The following EPHB1 variants were observed in gnomAD, a reference collection of about 807,000 sequenced individuals.
EPHB1 encodes ephrin type-B receptor 1.
Under a neutral mutation model 94.4 loss-of-function variants are expected in EPHB1, and 30 were observed. The observed-to-expected ratio is 0.32, with a 90% CI of 0.24 to 0.43. The LOEUF is 0.43. Ranked by LOEUF, EPHB1 falls within the 20% of genes least tolerant of loss-of-function variation. The probability of loss-of-function intolerance (pLI) is 1.00; values close to 1 mark genes in which losing one functional copy is unlikely to be tolerated. For synonymous variants in EPHB1, 522 were observed against 489.1 expected, an observed-to-expected ratio of 1.07 and a Z score of -0.89; for missense variants, 1,055 against 1,308.3, an observed-to-expected ratio of 0.81 and a Z score of 2.99.
intron 4 of EPHB1, among the ~76,000 whole-genome samples, chr3:135,125,814 T>G (rs1940171961): frequency 6.6e-6 from 1 of 152,174 alleles, no homozygotes; most frequent in South Asian, 2.1e-4. Flanking sequence ...CCAGCCTGAC[T>G]TTTTTCCCTG....
At chr3:134,972,378 TTA>T (rs938953558) in intron 3 of EPHB1, among the ~76,000 whole-genome samples, 4 of 146,598 alleles carry the variant, frequency 2.7e-5, no homozygotes, top group Admixed American at 1.4e-4. Flanking sequence ...TATAAAATAT[TTA>T]TATATAAATA....
At chr3:135,217,727 T>A (rs72630180) in intron 12 of EPHB1, among the ~76,000 whole-genome samples, 6,757 of 152,248 alleles carry the variant, frequency 0.044, 285 homozygotes, top group East Asian at 0.21. Context: ...CAGATTTTTT[T>A]AATAATGCAC....
At chr3:134,810,099 C>T (rs1324527819) in intron 1 of EPHB1, among the ~76,000 whole-genome samples, 1 of 152,232 alleles carries the variant, frequency 6.6e-6, no homozygotes, top group Non-Finnish European at 1.5e-5. Context: ...GAAGTTTTAA[C>T]ATAGGTATGT....
At chr3:135,132,581 C>A in intron 4 of EPHB1, 133 bp from the exon 5 acceptor site, 1 of 698,624 alleles carries the variant, frequency 1.4e-6, no homozygotes, top group Non-Finnish European at 2.4e-6. Context: ...TGAAGCATAG[C>A]CATTTGGGGT....
chr3:135,103,805 G>T (rs1434102826), intron 3 of EPHB1, among the ~76,000 whole-genome samples: 1 of 152,074 alleles, frequency 6.6e-6, no homozygotes, highest in African/African-American at 2.4e-5. Context: ...TCTCCCTGAT[G>T]TCCAGCTTGG....
chr3:135,143,947 A>C (rs990323684), intron 5 of EPHB1, among the ~76,000 whole-genome samples: 1 of 152,218 alleles, frequency 6.6e-6, no homozygotes, highest in Non-Finnish European at 1.5e-5. Flanking sequence ...AACACACTGC[A>C]GCCTGCCTCC....
At chr3:134,903,749 T>G (rs2038254860) in intron 1 of EPHB1, among the ~76,000 whole-genome samples, 1 of 152,162 alleles carries the variant, frequency 6.6e-6, no homozygotes, top group African/African-American at 2.4e-5. Context: ...GGTAATAGAT[T>G]AACCAGACAG....
chr3:135,142,041 C>T (rs913697328), intron 5 of EPHB1, among the ~76,000 whole-genome samples: 8 of 152,156 alleles, frequency 5.3e-5, no homozygotes, highest in African/African-American at 1.7e-4. Context: ...AAGACAGGTT[C>T]GATTCTGCAC....
intron 3 of EPHB1, among the ~76,000 whole-genome samples, chr3:135,062,178 A>G (rs1256398676): frequency 1.3e-5 from 2 of 152,166 alleles, no homozygotes; most frequent in Admixed American, 6.5e-5. Flanking sequence ...TTTTCATATA[A>G]TGACTTCTTT....
chr3:135,032,500 CCT>C (rs1936511153), intron 3 of EPHB1, among the ~76,000 whole-genome samples: 1 of 152,166 alleles, frequency 6.6e-6, no homozygotes, highest in Non-Finnish European at 1.5e-5. Flanking sequence ...TCTTCTGAAT[CCT>C]CTGTTTGTAG....
intron 2 of EPHB1, among the ~76,000 whole-genome samples, chr3:134,946,106 G>A (rs981326841): frequency 6.6e-6 from 1 of 152,286 alleles, no homozygotes; most frequent in African/African-American, 2.4e-5. Context: ...CTCCCCTAAA[G>A]CATCGTTCCA....
chr3:135,131,239 T>A (rs1940404370), intron 4 of EPHB1, among the ~76,000 whole-genome samples: 1 of 152,204 alleles, frequency 6.6e-6, no homozygotes, highest in South Asian at 2.1e-4. Flanking sequence ...CTTTATATGG[T>A]ACAGTACTGA....
chr3:135,112,393 T>A lies in EPHB1; in HGVS notation c.961+5790T>A, dbSNP rs183952886. On this transcript the variant is annotated intron_variant, in intron 4 of 15. Coordinates refer to ENST00000398015, the MANE Select transcript of EPHB1 (RefSeq NM_004441.5). ...CTACACAATGAGGGTGATTTTTTTT[T>A]AATTTTATTATTATTATACTTTAAG... is the stretch of plus-strand genomic sequence containing the variant. Among the ~76,000 whole-genome samples, 1,503 of 152,318 alleles carry A rather than the reference T, an allele frequency of 9.9e-3. 19 individuals carry two copies. The highest frequency in any genetic ancestry group is 0.033 in the African/African-American group (1,391 of 41,556).
Position 135,110,481 on chromosome 3 carries a change from G to A in EPHB1, c.961+3878G>A, listed in dbSNP as rs376512920. Among the ~76,000 whole-genome samples the A allele has an allele frequency of 8.3e-4, 127 of 152,268 alleles. 1 individual carries two copies. In the South Asian group the frequency reaches 0.025, roughly 30 times the overall value. On this transcript the variant is annotated intron_variant, in intron 4 of 15. Transcript: ENST00000398015. Reference sequence around the variant, plus strand: ...TTAGTGGCAGGGGCAGGGGTTTTGAGTTTGGCTCCTGACGGTAAGACCTGG... The same window carrying A: ...TTAGTGGCAGGGGCAGGGGTTTTGAATTTGGCTCCTGACGGTAAGACCTGG...
At position 135,249,525 on chromosome 3, in the gene EPHB1, C is replaced by T. The variant is rs371736774; in HGVS notation, c.2846+34C>T. ...TGAGAATCTCTCTGTCCAGACCACA[C>T]CTAGGGGTCAGTGCTCCTTCCCTGC... On this transcript the variant is annotated intron_variant, in intron 15 of 15. Coordinates refer to ENST00000398015, the MANE Select transcript of EPHB1 (RefSeq NM_004441.5). The T allele has an allele frequency of 5.0e-6, 8 of 1,596,130 alleles. No individual in the cohort carries two copies. The East Asian group carries it at 1.3e-4, about 27-fold the overall frequency.
In EPHB1 at chr3:134,912,634, A is replaced by C. The variant is rs537100535; in HGVS notation, c.59-13182A>C. Among the ~76,000 whole-genome samples, 4 of 152,304 alleles carry C rather than the reference A, an allele frequency of 2.6e-5. No individual in the cohort carries two copies. The South Asian group carries it at 8.3e-4, about 32-fold the overall frequency. ...GTGAGCCTTGGATAGAAGCCTGCCT[A>C]CAGGTCTGATTAAATGCCCCCTGAG... On this transcript the variant is annotated intron_variant, in intron 1 of 15. Transcript: ENST00000398015.
chr3:134,818,670 A>G (rs923337351), intron 1 of EPHB1, among the ~76,000 whole-genome samples: 7 of 152,216 alleles, frequency 4.6e-5, no homozygotes, highest in Admixed American at 2.0e-4. Context: ...AGTCTCATCC[A>G]GATCACTGCA....
intron 4 of EPHB1, among the ~76,000 whole-genome samples, chr3:135,111,730 ACT>A (rs1939452626): frequency 6.6e-6 from 1 of 151,972 alleles, no homozygotes; most frequent in Non-Finnish European, 1.5e-5. Flanking sequence ...CCCAGGCTGG[ACT>A]GCAGTGGCGT....
intron 1 of EPHB1, among the ~76,000 whole-genome samples, chr3:134,811,666 A>G (rs1210125597): frequency 6.6e-6 from 1 of 152,050 alleles, no homozygotes; most frequent in Non-Finnish European, 1.5e-5. Flanking sequence ...CCGTTATAAG[A>G]TCTAAGACTT....
Sources: allele counts gnomAD v4.1 joint callset (sites outside exome capture counted in the v4.1 genomes callset), GRCh38; gene constraint gnomAD v4.1.1; transcripts MANE v1.5; gene names NCBI Gene and HGNC (gene_info 2026-07-23, HGNC 2026-07-21).